The following PCDHGB3 variants were observed in gnomAD, a reference collection of about 807,000 sequenced individuals.
PCDHGB3 encodes protocadherin gamma-B3.
PCDHGB3 carries 40 observed loss-of-function variants against 59.2 expected under a neutral mutation model. The ratio of observed to expected loss-of-function variants is 0.68; its 90% CI spans 0.52 to 0.88. The LOEUF (loss-of-function observed/expected upper bound fraction) is 0.88, where lower values mean the gene tolerates loss of function less well. Among genes scored for constraint, PCDHGB3 ranks in the 40% least tolerant of loss-of-function variants. The pLI, the probability that PCDHGB3 is intolerant of heterozygous loss-of-function variation, is 0.00. For synonymous variants in PCDHGB3, 581 were observed against 503.6 expected, an observed-to-expected ratio of 1.15 and a Z score of -2.06; for missense variants, 1,309 against 1,187.9, an observed-to-expected ratio of 1.10 and a Z score of -1.50.
chr5:141,507,478 C>T (rs933478897), intron 3 of PCDHGB3, among the ~76,000 whole-genome samples: 5 of 152,158 alleles, frequency 3.3e-5, no homozygotes, highest in African/African-American at 1.2e-4. Flanking sequence ...GGACTGCTGG[C>T]CTCCTGAGGC....
chr5:141,393,057 G>A lies in PCDHGB3; in HGVS notation c.2415+20248G>A, dbSNP rs1273747847. On this transcript the variant is annotated intron_variant, in intron 1 of 3. Transcript: ENST00000576222. ...GCTCTTTGCTCTGAACCCGCGCAGC[G>A]GCAGCTTGATCACCGCGGGCAGGAT... 6 of 1,613,514 alleles carry A rather than the reference G, an allele frequency of 3.7e-6. No homozygotes were observed. The African/African-American group carries it at 4.0e-5, about 11-fold the overall frequency.
At position 141,410,475 on chromosome 5, in the gene PCDHGB3, A is replaced by G. The variant is rs185995562; in HGVS notation, c.2415+37666A>G. ...TATTCTTATAATCTGTGCATTGCAC[A>G]TACGGGTACAAAAGAGTTTAATTTC... is the stretch of plus-strand genomic sequence containing the variant. On this transcript the variant is annotated intron_variant, in intron 1 of 3. Transcript: ENST00000576222. The G allele has an allele frequency of 3.7e-6, 6 of 1,614,052 alleles. No homozygotes were observed. In the South Asian group the frequency reaches 6.6e-5, roughly 18 times the overall value.
In PCDHGB3 at chr5:141,491,638, G is replaced by A. The variant is rs2099723160; in HGVS notation, c.2416-3169G>A. The A allele has an allele frequency of 6.2e-7, 1 of 1,613,898 alleles. No individual in the cohort carries two copies. The highest frequency in any genetic ancestry group is 1.3e-5 in the African/African-American group (1 of 75,074). ...ACCCCTCAGCGTTCAGCAGCCCACA[G>A]CTCTGGCGCTGGAGCCTGACGCCAT... On this transcript the variant is annotated intron_variant, in intron 1 of 3. Coordinates refer to ENST00000576222, the MANE Select transcript of PCDHGB3 (RefSeq NM_018924.5). The surrounding 1 kb of genome is among the most constrained non-coding windows in gnomAD (Gnocchi z 6.9).
At chr5:141,385,370 A>G (rs1165174523) in intron 1 of PCDHGB3, 1 of 1,530,088 alleles carries the variant, frequency 6.5e-7, no homozygotes, top group South Asian at 1.3e-5. Flanking sequence ...TATTTGCATG[A>G]TATTTCTCTA....
At chr5:141,396,119 A>T (rs1190344282) in intron 1 of PCDHGB3, 1 of 152,250 alleles carries the variant, frequency 6.6e-6, no homozygotes, top group Non-Finnish European at 1.5e-5. Flanking sequence ...CCAATGTTTC[A>T]GGTACACAAG....
At chr5:141,427,861 T>G (rs776215800) in intron 1 of PCDHGB3, 2 of 1,556,958 alleles carry the variant, frequency 1.3e-6, no homozygotes, top group Admixed American at 1.7e-5. Flanking sequence ...CTGTGCGCCT[T>G]CGAGCTCACG....
chr5:141,407,808 C>A (rs1182707356), intron 1 of PCDHGB3, among the ~76,000 whole-genome samples: 1 of 152,136 alleles, frequency 6.6e-6, no homozygotes, highest in Non-Finnish European at 1.5e-5. Flanking sequence ...ATAGAAATAT[C>A]TACTATAATA....
intron 1 of PCDHGB3, chr5:141,394,727 C>G (rs971156422): frequency 8.7e-6 from 14 of 1,613,436 alleles, no homozygotes; most frequent in Middle Eastern, 1.6e-4. Flanking sequence ...GAGATGCGCT[C>G]AAGCAGAGCC....
chr5:141,454,081 T>C (rs1009599234), intron 1 of PCDHGB3, among the ~76,000 whole-genome samples: 2 of 152,198 alleles, frequency 1.3e-5, no homozygotes, highest in African/African-American at 4.8e-5. Flanking sequence ...ATGTTTTCAG[T>C]GAAATTTGAA....
chr5:141,422,140 C>A, intron 1 of PCDHGB3: 1 of 1,586,776 alleles, frequency 6.3e-7, no homozygotes, highest in Non-Finnish European at 8.5e-7. Flanking sequence ...AGTTCAAGTA[C>A]GGGGGTCTCT....
At position 141,371,321 on chromosome 5, in the gene PCDHGB3, T is replaced by C. The variant is rs1767663616; in HGVS notation, c.927T>C (p.Phe309=). ...TCACCACTATTGGAGAACTGGACTT[T>C]GAAGAGAGAGATAGCTACACAATTG... The part of the protein sequence containing the change: ...GELTTIGELD[F]EERDSYTIGV... Residue 309 remains phenylalanine, a synonymous_variant, in exon 1 of 4, where the codon TTT becomes TTC. Transcript: ENST00000576222. The C allele has an allele frequency of 2.5e-6, 4 of 1,613,816 alleles. No homozygotes were observed. The highest frequency in any genetic ancestry group is 3.4e-6 in the Non-Finnish European group (4 of 1,179,888).
At chr5:141,462,039 T>A (rs569871892) in intron 1 of PCDHGB3, among the ~76,000 whole-genome samples, 1 of 152,276 alleles carries the variant, frequency 6.6e-6, no homozygotes, top group Non-Finnish European at 1.5e-5. Flanking sequence ...GTCAGGCGGG[T>A]CTTGAACTCC....
At chr5:141,464,480 A>T (rs1013894368) in intron 1 of PCDHGB3, among the ~76,000 whole-genome samples, 4 of 151,864 alleles carry the variant, frequency 2.6e-5, no homozygotes, top group African/African-American at 7.3e-5. Flanking sequence ...CGTATAATAA[A>T]TTCCTAATAG....
chr5:141,402,855 T>G, intron 1 of PCDHGB3: 1 of 1,425,070 alleles, frequency 7.0e-7, no homozygotes, highest in Non-Finnish European at 9.2e-7. Flanking sequence ...CTCTTTCTTC[T>G]AAGGAAAAGA....
At chr5:141,383,927 A>C in intron 1 of PCDHGB3, 1 of 1,613,800 alleles carries the variant, frequency 6.2e-7, no homozygotes, top group Non-Finnish European at 8.5e-7. Context: ...GTAAATGATA[A>C]TGCTCCAGAA....
intron 1 of PCDHGB3, among the ~76,000 whole-genome samples, chr5:141,445,751 G>T (rs1211416281): frequency 2.0e-5 from 3 of 152,102 alleles, no homozygotes; most frequent in Non-Finnish European, 4.4e-5. Context: ...AAAAATAAAA[G>T]GTGTGACTCA....
rs146615755 is a variant in PCDHGB3 at position 141,486,022 on chromosome 5, T to C, written c.2416-8785T>C. The C allele has an allele frequency of 1.2e-6, 2 of 1,614,030 alleles. No homozygotes were observed. Among genetic ancestry groups the C allele is most frequent in the Non-Finnish European group, 1.7e-6 (2 of 1,180,036 alleles). Reference sequence around the variant, plus strand: ...GTAACGTCACCTTTTATTTCAGTGGTCATACCCCTGATCGTGTAAGAAACC... The same window carrying C: ...GTAACGTCACCTTTTATTTCAGTGGCCATACCCCTGATCGTGTAAGAAACC... On this transcript the variant is annotated intron_variant, in intron 1 of 3. Coordinates refer to ENST00000576222, the MANE Select transcript of PCDHGB3 (RefSeq NM_018924.5). The surrounding 1 kb of genome is among the most constrained non-coding windows in gnomAD (Gnocchi z 5.0).
At chr5:141,399,656 T>G in intron 1 of PCDHGB3, 1 of 1,613,694 alleles carries the variant, frequency 6.2e-7, no homozygotes, top group Non-Finnish European at 8.5e-7. Context: ...AGTGGGGTGG[T>G]GTTCGCGCAG....
chr5:141,470,022 G>A (rs892106953), intron 1 of PCDHGB3, among the ~76,000 whole-genome samples: 2 of 152,188 alleles, frequency 1.3e-5, no homozygotes, highest in African/African-American at 2.4e-5. Context: ...CCAGCTACTC[G>A]GGATGCTGAG....
Sources: gnomAD v4.1 joint callset for allele counts (sites outside exome capture counted in the v4.1 genomes callset) on GRCh38, gnomAD v4.1.1 for gene constraint, Gnocchi (gnomAD v3.1) non-coding constraint, MANE v1.5 for transcripts, NCBI Gene and HGNC (gene_info 2026-07-23, HGNC 2026-07-21) for gene names.